ALG13: variants seen among roughly 807,000 people sequenced by gnomAD.
ALG13 encodes ALG13 UDP-N-acetylglucosaminyltransferase subunit.
A neutral mutation model predicts 87.8 loss-of-function variants in ALG13; 11 were observed. The ratio of observed to expected loss-of-function variants is 0.13; its 90% confidence interval spans 0.08 to 0.21. ALG13 has a LOEUF of 0.21. Ranked by LOEUF, ALG13 falls within the 10% of genes least tolerant of loss-of-function variation. The probability of loss-of-function intolerance (pLI) is 1.00; values close to 1 mark genes in which losing one functional copy is unlikely to be tolerated. For synonymous variants in ALG13, 320 were observed against 306.3 expected, an observed-to-expected ratio of 1.04 and a Z score of -0.47; for missense variants, 756 against 866.1, an observed-to-expected ratio of 0.87 and a Z score of 1.60.
intron 3 of ALG13, among the ~76,000 whole-genome samples, chrX:111,697,590 C>T (rs929271458): frequency 9.0e-6 from 1 of 111,702 alleles, no homozygotes; most frequent in South Asian, 3.7e-4. Flanking sequence ...ATTTCAAGTG[C>T]GATATTTCAA....
At chrX:111,690,132 T>C (rs1247055472) in intron 3 of ALG13, 19 of 750,769 alleles carry the variant, frequency 2.5e-5, no homozygotes, top group Non-Finnish European at 2.4e-5. Flanking sequence ...AATCACCACA[T>C]TTACATCTTA....
chrX:111,721,815 T>G, intron 12 of ALG13, 104 bp downstream of exon 12: 1 of 472,856 alleles, frequency 2.1e-6, no homozygotes, highest in Non-Finnish European at 3.7e-6. Flanking sequence ...TTATAAAAAA[T>G]AGCCTGATGC....
In ALG13 at chrX:111,750,195, C is replaced by T. The variant is rs1450467272; in HGVS notation, c.2933-2595C>T. Among the ~76,000 whole-genome samples the T allele has an allele frequency of 2.7e-5, 3 of 111,562 alleles. No homozygotes were observed. In the East Asian group the frequency reaches 8.5e-4, roughly 32 times the overall value. ...TTCACTTCCATCTAAGTTCTACTAA[C>T]CCCGAGAATATATCATGTATTCGTT... On this transcript the variant is annotated intron_variant, in intron 24 of 26. Coordinates refer to ENST00000394780, the MANE Select transcript of ALG13 (RefSeq NM_001099922.3).
intron 15 of ALG13, among the ~76,000 whole-genome samples, chrX:111,725,511 A>G: frequency 9.0e-6 from 1 of 111,342 alleles, no homozygotes; most frequent in Non-Finnish European, 1.9e-5. Flanking sequence ...AATGGGTACA[A>G]AAATAGGTAG....
At chrX:111,719,960 G>A in intron 10 of ALG13, 135 bp from the exon 11 acceptor site, 6 of 434,646 alleles carry the variant, frequency 1.4e-5, no homozygotes, top group Non-Finnish European at 2.4e-5. Context: ...AAATGCAAAT[G>A]TTGGAATGAA....
intron 23 of ALG13, among the ~76,000 whole-genome samples, chrX:111,743,608 A>G (rs184606342): frequency 2.6e-4 from 29 of 111,760 alleles, no homozygotes; most frequent in African/African-American, 9.1e-4. Flanking sequence ...AAATGTACAA[A>G]AGATAAGATG....
intron 8 of ALG13, among the ~76,000 whole-genome samples, chrX:111,716,581 T>C (rs1024591593): frequency 1.8e-5 from 2 of 111,783 alleles, no homozygotes; most frequent in African/African-American, 6.6e-5. Context: ...ATACCCCTTG[T>C]GGTGGGAGAA....
intron 24 of ALG13, among the ~76,000 whole-genome samples, chrX:111,749,289 C>T (rs1602925126): frequency 9.1e-6 from 1 of 110,310 alleles, no homozygotes; most frequent in African/African-American, 3.3e-5. Flanking sequence ...CCAGCAGTAC[C>T]ATTTGTGAAA....
At chrX:111,738,698 C>T (rs1602841288) in intron 23 of ALG13, among the ~76,000 whole-genome samples, 2 of 110,567 alleles carry the variant, frequency 1.8e-5, no homozygotes, top group African/African-American at 6.6e-5. Context: ...CCACCACACT[C>T]GGCTAATTAC....
intron 19 of ALG13, among the ~76,000 whole-genome samples, chrX:111,729,370 T>G (rs1422338792): frequency 9.0e-6 from 1 of 111,519 alleles, no homozygotes; most frequent in Non-Finnish European, 1.9e-5. Flanking sequence ...TTCCTTATTT[T>G]CTTGTACTCT....
chrX:111,694,486 C>T (rs758822752), intron 3 of ALG13, among the ~76,000 whole-genome samples: 1 of 112,263 alleles, frequency 8.9e-6, no homozygotes, highest in South Asian at 3.6e-4. Flanking sequence ...CATATAGTGT[C>T]TTTTCTAATA....
intron 3 of ALG13, among the ~76,000 whole-genome samples, chrX:111,686,633 G>A (rs1934998335): frequency 8.9e-6 from 1 of 112,032 alleles, no homozygotes; most frequent in South Asian, 3.7e-4. Flanking sequence ...TGAGTCAGGA[G>A]AGAAGCTAGA....
At chrX:111,739,512 A>T (rs887741306) in intron 23 of ALG13, among the ~76,000 whole-genome samples, 7 of 112,860 alleles carry the variant, frequency 6.2e-5, no homozygotes, top group Non-Finnish European at 1.1e-4. Context: ...GCTAGAGTTA[A>T]AAAGTCCTAA....
chrX:111,735,100 C>G lies in ALG13; in HGVS notation c.2507C>G (p.Thr836Ser), dbSNP rs892500399. 1.7e-6 allele frequency: 2 copies of G among 1,185,418 alleles called. No individual in the cohort carries two copies. Among genetic ancestry groups the G allele is most frequent in the Non-Finnish European group, 2.3e-6 (2 of 873,044 alleles). ...TCTATGTCTCCTCAGGACACAGTTA[C>G]CTCATACAACTACCCCCAGAAGGTA... ...SCSMSPQDTVTSYNYPQKMMG... is the reference protein window; with the variant it reads ...SCSMSPQDTVSSYNYPQKMMG... The change falls in exon 22 of 27, where the codon ACC becomes AGC. Residue 836 changes from threonine to serine, a missense_variant. Thr to Ser is a moderately conservative substitution (Grantham distance 58). Around this residue, in one of 9 missense-constraint regions of ALG13, gnomAD observed 362 missense variants for 383.5 expected, o/e 0.94. Coordinates refer to ENST00000394780, the MANE Select transcript of ALG13 (RefSeq NM_001099922.3).
chrX:111,698,560 T>G (rs1457865570), intron 3 of ALG13, among the ~76,000 whole-genome samples: 2 of 111,665 alleles, frequency 1.8e-5, no homozygotes, highest in East Asian at 5.6e-4. Context: ...ATTCTAACTC[T>G]CTACTTCTAT....
chrX:111,700,937 A>G (rs765393586), intron 3 of ALG13, among the ~76,000 whole-genome samples: 41 of 109,162 alleles, frequency 3.8e-4, no homozygotes, highest in African/African-American at 1.2e-3. Flanking sequence ...GGGGTGTTGA[A>G]TCTTGTCAGA....
chrX:111,686,141 T>A (rs1183775081), intron 3 of ALG13: 16 of 1,119,332 alleles, frequency 1.4e-5, no homozygotes, highest in Non-Finnish European at 1.6e-5. Context: ...TATTAGTTCT[T>A]CCTTGAGACA....
intron 17 of ALG13, 72 bp from the exon 18 acceptor site, chrX:111,727,542 T>C (rs368929879): frequency 9.9e-6 from 11 of 1,107,907 alleles, no homozygotes; most frequent in African/African-American, 9.1e-5. Context: ...ATATTTGAAC[T>C]GTTATTTAGA....
At chrX:111,699,772 T>G (rs1937481373) in intron 3 of ALG13, among the ~76,000 whole-genome samples, 1 of 111,910 alleles carries the variant, frequency 8.9e-6, no homozygotes, top group Non-Finnish European at 1.9e-5. Flanking sequence ...TGATGCTGTT[T>G]TGATTATGCT....
Sources: gnomAD v4.1 joint callset for allele counts (sites outside exome capture counted in the v4.1 genomes callset) on GRCh38, gnomAD v4.1.1 for gene constraint, gnomAD v4.1.1 regional missense constraint, MANE v1.5 for transcripts, NCBI Gene and HGNC (gene_info 2026-07-23, HGNC 2026-07-21) for gene names.